TDRD3: variants seen among roughly 807,000 people sequenced by gnomAD.
TDRD3 encodes tudor domain containing 3, also known as tudor domain-containing protein 3.
TDRD3 carries 45 observed loss-of-function variants against 86.7 expected under a neutral mutation model. The ratio of observed to expected loss-of-function variants is 0.52; its 90% confidence interval spans 0.41 to 0.67. The LOEUF (loss-of-function observed/expected upper bound fraction) is 0.67, where lower values mean the gene tolerates loss of function less well. Ranked by LOEUF, TDRD3 falls within the 30% of genes least tolerant of loss-of-function variation. The pLI, the probability that TDRD3 is intolerant of heterozygous loss-of-function variation, is 0.00. For missense variants in TDRD3, 814 were observed against 889.0 expected, an observed-to-expected ratio of 0.92 and a Z score of 1.07; for synonymous variants, 298 against 301.7, an observed-to-expected ratio of 0.99 and a Z score of 0.13.
chr13:60,506,035 C>T (rs1033295002), intron 8 of TDRD3, among the ~76,000 whole-genome samples: 1 of 152,166 alleles, frequency 6.6e-6, no homozygotes, highest in Non-Finnish European at 1.5e-5. Context: ...CAGAGAACAC[C>T]ACAAAAATAC....
At chr13:60,477,206 ATTATTATTG>A (rs989387137) in intron 5 of TDRD3, among the ~76,000 whole-genome samples, 42 of 142,556 alleles carry the variant, frequency 2.9e-4, no homozygotes, top group African/African-American at 7.5e-4. Flanking sequence ...GGTTATTATT[ATTATTATTG>A]TTATTATTAT....
At chr13:60,483,064 C>T (rs1447147559) in intron 5 of TDRD3, among the ~76,000 whole-genome samples, 1 of 152,006 alleles carries the variant, frequency 6.6e-6, no homozygotes, top group Non-Finnish European at 1.5e-5. Flanking sequence ...AAGACTTTAT[C>T]ATGTGAGAAA....
chr13:60,567,887 CT>C (rs1958500794), intron 13 of TDRD3, among the ~76,000 whole-genome samples: 1 of 133,246 alleles, frequency 7.5e-6, no homozygotes, highest in South Asian at 2.7e-4. Flanking sequence ...CCATGCCCAG[CT>C]GATTTTTTTT....
At chr13:60,515,450 A>C (rs1957148008) in intron 10 of TDRD3, among the ~76,000 whole-genome samples, 1 of 152,208 alleles carries the variant, frequency 6.6e-6, no homozygotes, top group South Asian at 2.1e-4. Flanking sequence ...CATAAGTACA[A>C]ATAGCTAGAC....
At chr13:60,428,506 A>G (rs1291768143) in intron 1 of TDRD3, among the ~76,000 whole-genome samples, 5 of 152,258 alleles carry the variant, frequency 3.3e-5, no homozygotes, top group South Asian at 2.1e-4. Flanking sequence ...GGCATGCAAA[A>G]TTAATTTTAT....
chr13:60,495,644 T>C (rs1956696451), intron 8 of TDRD3, among the ~76,000 whole-genome samples: 1 of 152,122 alleles, frequency 6.6e-6, no homozygotes, highest in Admixed American at 6.5e-5. Flanking sequence ...TTTGCATTTT[T>C]AGTAGAGACA....
At chr13:60,417,760 C>T (rs751871049) in intron 1 of TDRD3, among the ~76,000 whole-genome samples, 1 of 152,154 alleles carries the variant, frequency 6.6e-6, no homozygotes, top group Non-Finnish European at 1.5e-5. Flanking sequence ...AGGGGCACCT[C>T]GAACTCCTCA....
intron 4 of TDRD3, among the ~76,000 whole-genome samples, chr13:60,465,634 A>G (rs1204035654): frequency 1.3e-5 from 2 of 152,122 alleles, no homozygotes; most frequent in Non-Finnish European, 2.9e-5. Context: ...CTTACTCTGT[A>G]TGGGCTCTTT....
At chr13:60,509,642 GA>G in intron 8 of TDRD3, 120 bp from the exon 9 acceptor site, 1 of 1,227,974 alleles carries the variant, frequency 8.1e-7, no homozygotes, top group Non-Finnish European at 1.2e-6. Context: ...TGTTGTATTA[GA>G]ATGACATTTT....
intron 12 of TDRD3, among the ~76,000 whole-genome samples, chr13:60,539,654 CT>C (rs1595090104): frequency 6.6e-6 from 1 of 151,620 alleles, no homozygotes; most frequent in East Asian, 1.9e-4. Flanking sequence ...TTTGAAGTAA[CT>C]TTGTATACAA....
At chr13:60,470,712 A>G (rs1956059976) in intron 5 of TDRD3, among the ~76,000 whole-genome samples, 1 of 150,994 alleles carries the variant, frequency 6.6e-6, no homozygotes, top group Admixed American at 6.6e-5. Flanking sequence ...CCTCCCGAGT[A>G]GCTGGGATTA....
intron 3 of TDRD3, among the ~76,000 whole-genome samples, chr13:60,458,782 C>T (rs1352613376): frequency 6.6e-6 from 1 of 152,078 alleles, no homozygotes; most frequent in Non-Finnish European, 1.5e-5. Flanking sequence ...ATTTAAATAG[C>T]TACATGTGGC....
chr13:60,497,800 T>C (rs1230738995), intron 8 of TDRD3, among the ~76,000 whole-genome samples: 2 of 152,072 alleles, frequency 1.3e-5, no homozygotes, highest in Non-Finnish European at 2.9e-5. Flanking sequence ...AAGAAACAGC[T>C]TCCCCATCCC....
At chr13:60,450,985 C>A (rs1304877997) in intron 3 of TDRD3, among the ~76,000 whole-genome samples, 1 of 152,118 alleles carries the variant, frequency 6.6e-6, no homozygotes, top group African/African-American at 2.4e-5. Context: ...CGCATACACA[C>A]ACACTATATT....
At chr13:60,510,070 A>C in intron 9 of TDRD3, 151 bp downstream of exon 9, 1 of 877,902 alleles carries the variant, frequency 1.1e-6, no homozygotes, top group Non-Finnish European at 1.7e-6. Context: ...CCATAGAGAC[A>C]TTTGTAGTCT....
chr13:60,553,525 T>C (rs1291314747), intron 12 of TDRD3, among the ~76,000 whole-genome samples: 2 of 151,452 alleles, frequency 1.3e-5, no homozygotes, highest in African/African-American at 4.9e-5. Context: ...AGATACTACC[T>C]GAGACTGGGT....
intron 1 of TDRD3, among the ~76,000 whole-genome samples, chr13:60,401,388 A>G (rs974361065): frequency 2.0e-5 from 3 of 152,196 alleles, no homozygotes; most frequent in Non-Finnish European, 4.4e-5. Context: ...TGTAGGTTAT[A>G]TGCAAATACT....
At chr13:60,452,991 C>A (rs937046324) in intron 3 of TDRD3, among the ~76,000 whole-genome samples, 2 of 151,890 alleles carry the variant, frequency 1.3e-5, no homozygotes, top group Non-Finnish European at 2.9e-5. Context: ...TAGTTTGATT[C>A]ATTTATTTTT....
chr13:60,397,124 C>G (rs1953933465), upstream of TDRD3: 1 of 379,286 alleles, frequency 2.6e-6, no homozygotes, highest in African/African-American at 2.1e-5. Context: ...GATCAGGTCC[C>G]GGAGCTCCGC....
Sources: allele counts gnomAD v4.1 joint callset (sites outside exome capture counted in the v4.1 genomes callset), GRCh38; gene constraint gnomAD v4.1.1; transcripts MANE v1.5; gene names NCBI Gene and HGNC (gene_info 2026-07-23, HGNC 2026-07-21).